WWTR1: variants seen among roughly 807,000 people sequenced by gnomAD.
The protein encoded by WWTR1 is WW domain containing transcription regulator 1, also known as WW domain-containing transcription regulator protein 1.
Under a neutral mutation model 40.1 loss-of-function variants are expected in WWTR1, and 13 were observed. The observed-to-expected ratio is 0.32, with a 90% CI of 0.21 to 0.52. WWTR1 has a LOEUF of 0.52. Among genes scored for constraint, WWTR1 ranks in the 20% least tolerant of loss-of-function variants. WWTR1 has a pLI of 0.97. For synonymous variants in WWTR1, 230 were observed against 210.1 expected, an observed-to-expected ratio of 1.09 and a Z score of -0.82; for missense variants, 436 against 523.1, an observed-to-expected ratio of 0.83 and a Z score of 1.63.
chr3:149,590,115 T>G (rs1259372582), intron 2 of WWTR1, among the ~76,000 whole-genome samples: 5 of 152,136 alleles, frequency 3.3e-5, no homozygotes. Flanking sequence ...TAGCATACAA[T>G]AGACACTAAA....
intron 5 of WWTR1, among the ~76,000 whole-genome samples, chr3:149,715,485 G>A (rs950274734): frequency 3.9e-5 from 6 of 152,354 alleles, no homozygotes; most frequent in East Asian, 3.9e-4. Context: ...GTATTTGTGC[G>A]CAGTGGCCGG....
At chr3:149,558,605 A>G (rs921540437) in intron 3 of WWTR1, among the ~76,000 whole-genome samples, 1 of 152,234 alleles carries the variant, frequency 6.6e-6, no homozygotes, top group African/African-American at 2.4e-5. Context: ...TAGTGGAACA[A>G]ATCGTGTGCC....
intron 2 of WWTR1, among the ~76,000 whole-genome samples, chr3:149,668,580 G>A (rs1713933372): frequency 7.5e-6 from 1 of 133,434 alleles, no homozygotes; most frequent in Admixed American, 8.3e-5. Flanking sequence ...TGCACTCCAG[G>A]CAGGGCAACA....
At position 149,716,784 on chromosome 3, in the gene WWTR1, G is replaced by A. The variant is rs958073942; in HGVS notation, n.584+658C>T. 5.3e-5 allele frequency among the ~76,000 whole-genome samples: 8 copies of A among 152,006 alleles called. No homozygotes were observed. The South Asian group carries it at 6.2e-4, about 12-fold the overall frequency. ...GCTCTAAATGTGTAGTTTAGGATAT[G>A]TCCAGAAGAATTAACAAGTTTAGAA... On this transcript the variant is annotated intron_variant and non_coding_transcript_variant, in intron 5 of 6. Transcript: ENST00000474080.
At chr3:149,630,864 AT>A (rs1711525147) in intron 2 of WWTR1, among the ~76,000 whole-genome samples, 1 of 152,178 alleles carries the variant, frequency 6.6e-6, no homozygotes, top group South Asian at 2.1e-4. Context: ...AGCAAACTAA[AT>A]TTCCTTTACT....
chr3:149,593,008 G>A (rs1161694434), intron 2 of WWTR1, among the ~76,000 whole-genome samples: 1 of 152,050 alleles, frequency 6.6e-6, no homozygotes. Context: ...AAAACTCCAG[G>A]CACACCGAGC....
At chr3:149,683,815 T>A (rs772960562) in intron 1 of WWTR1, among the ~76,000 whole-genome samples, 1 of 152,142 alleles carries the variant, frequency 6.6e-6, no homozygotes, top group Non-Finnish European at 1.5e-5. Flanking sequence ...GGGAGAAGCA[T>A]GACAGCATGC....
chr3:149,673,512 C>T (rs553540760), intron 1 of WWTR1, among the ~76,000 whole-genome samples: 7 of 152,244 alleles, frequency 4.6e-5, no homozygotes, highest in South Asian at 2.1e-4. Flanking sequence ...GAATGACACT[C>T]GGAAAGGCAT....
At chr3:149,664,670 C>A (rs1159771690) in intron 2 of WWTR1, among the ~76,000 whole-genome samples, 1 of 151,550 alleles carries the variant, frequency 6.6e-6, no homozygotes, top group Admixed American at 6.6e-5. Context: ...CTCACCGCAA[C>A]CTCCACCTCC....
At chr3:149,598,416 A>T (rs556441972) in intron 2 of WWTR1, among the ~76,000 whole-genome samples, 2 of 152,340 alleles carry the variant, frequency 1.3e-5, no homozygotes, top group East Asian at 3.9e-4. Context: ...AGTTTAAAAG[A>T]CTTGCCTGAA....
chr3:149,541,176 T>C, intron 4 of WWTR1: 1 of 346,322 alleles, frequency 2.9e-6, no homozygotes, highest in South Asian at 2.0e-5. Flanking sequence ...ACTGAAGCTT[T>C]TCTCCCCAAA....
chr3:149,684,100 T>C (rs1369369334), intron 1 of WWTR1, among the ~76,000 whole-genome samples: 1 of 152,126 alleles, frequency 6.6e-6, no homozygotes, highest in Non-Finnish European at 1.5e-5. Flanking sequence ...GTTTGAAAAA[T>C]ATGGGGGGTG....
intron 2 of WWTR1, among the ~76,000 whole-genome samples, chr3:149,596,242 A>G (rs1042744930): frequency 6.6e-6 from 1 of 152,202 alleles, no homozygotes; most frequent in Non-Finnish European, 1.5e-5. Flanking sequence ...CTGAAACTGA[A>G]AGTTGTTTGG....
intron 2 of WWTR1, among the ~76,000 whole-genome samples, chr3:149,652,560 C>T (rs762828427): frequency 1.1e-4 from 14 of 131,976 alleles, no homozygotes; most frequent in South Asian, 2.4e-4. Flanking sequence ...GAATTTGAGG[C>T]TTCAGTGAGC....
intron 4 of WWTR1, among the ~76,000 whole-genome samples, chr3:149,531,677 A>T (rs114555110): frequency 0.024 from 3,655 of 151,972 alleles, 145 homozygotes; most frequent in African/African-American, 0.084. Flanking sequence ...AGATGCTCCT[A>T]CCTCACCCCT....
chr3:149,612,045 G>A (rs756999568), intron 2 of WWTR1, among the ~76,000 whole-genome samples: 90 of 152,182 alleles, frequency 5.9e-4, no homozygotes, highest in Non-Finnish European at 1.2e-3. Context: ...AGGGGCAAGA[G>A]ACTGGCTTAG....
chr3:149,706,791 G>A (rs926055855), upstream of WWTR1, among the ~76,000 whole-genome samples: 1 of 152,106 alleles, frequency 6.6e-6, no homozygotes, highest in African/African-American at 2.4e-5. Context: ...TGAGCTGGCA[G>A]GACTTCTAGG....
chr3:149,608,213 A>G (rs59006595), intron 2 of WWTR1, among the ~76,000 whole-genome samples: 3,828 of 152,232 alleles, frequency 0.025, 139 homozygotes, highest in African/African-American at 0.089. Flanking sequence ...TTCAAGAAAG[A>G]CTGCACAAAA....
At chr3:149,671,461 C>T (rs1030587967) in intron 1 of WWTR1, among the ~76,000 whole-genome samples, 4 of 152,208 alleles carry the variant, frequency 2.6e-5, no homozygotes, top group African/African-American at 4.8e-5. Flanking sequence ...TCAAAAGTTT[C>T]TGCTGGCATA....
Sources: gnomAD v4.1 joint callset for allele counts (sites outside exome capture counted in the v4.1 genomes callset) on GRCh38, gnomAD v4.1.1 for gene constraint, MANE v1.5 for transcripts, NCBI Gene and HGNC (gene_info 2026-07-23, HGNC 2026-07-21) for gene names.